The following TMSB15B variants were observed in gnomAD, a reference collection of about 807,000 sequenced individuals.
The protein encoded by TMSB15B is thymosin beta-15B.
chrX:103,931,861 G>C (rs1184758349), intron 1 of TMSB15B: 3 of 111,627 alleles, frequency 2.7e-5, no homozygotes, highest in Non-Finnish European at 1.9e-5. Flanking sequence ...TCCAGGGAGG[G>C]GAGAGGGGTG....
intron 1 of TMSB15B, among the ~76,000 whole-genome samples, chrX:103,938,170 C>A (rs1365624452): frequency 9.0e-6 from 1 of 111,565 alleles, no homozygotes; most frequent in Non-Finnish European, 1.9e-5. Context: ...CTGTAGATGT[C>A]TATTAGGTCC....
intron 1 of TMSB15B, chrX:103,928,124 A>G (rs1489188881): frequency 6.2e-6 from 7 of 1,130,698 alleles, no homozygotes; most frequent in Non-Finnish European, 6.0e-6. Context: ...CTCTCCCAGG[A>G]AGGAGCTTCA....
At chrX:103,928,214 A>G in intron 1 of TMSB15B, 3 of 1,196,472 alleles carry the variant, frequency 2.5e-6, no homozygotes, top group Non-Finnish European at 3.4e-6. Context: ...TTCCAACTCT[A>G]TGTCTACTTT....
At chrX:103,924,856 C>T (rs1556318538) in intron 1 of TMSB15B, among the ~76,000 whole-genome samples, 1 of 111,084 alleles carries the variant, frequency 9.0e-6, no homozygotes, top group Non-Finnish European at 1.9e-5. Context: ...TTCTCAAGGC[C>T]AACTCTAGGT....
At position 103,949,828 on chromosome X, in the gene TMSB15B, G is replaced by A. The variant is rs566533343; in HGVS notation, c.-720-12193G>A. Among the ~76,000 whole-genome samples, 6 of 111,689 alleles carry A rather than the reference G, an allele frequency of 5.4e-5. No homozygotes were observed. In the South Asian group the frequency reaches 2.3e-3, roughly 42 times the overall value. On this transcript the variant is annotated intron_variant, in intron 1 of 3. Coordinates refer to the TMSB15B transcript ENST00000419165. ...TATTGGACTGGAAGAGATCACCAAG[G>A]GAGTATACATAGAAATGCAAAGGAC... is the stretch of plus-strand genomic sequence containing the variant.
intron 1 of TMSB15B, chrX:103,928,662 C>CA (rs1556319385): frequency 8.7e-7 from 1 of 1,152,544 alleles, no homozygotes; most frequent in African/African-American, 1.8e-5. Context: ...GCCTGGGGAG[C>CA]ACTCTATATT....
At chrX:103,921,866 A>C (rs1273907649) in intron 1 of TMSB15B, among the ~76,000 whole-genome samples, 1 of 111,925 alleles carries the variant, frequency 8.9e-6, no homozygotes, top group Non-Finnish European at 1.9e-5. Context: ...AGGGATGTTA[A>C]GTAACTTGTG....
At chrX:103,939,441 C>T (rs2075006897) in intron 1 of TMSB15B, among the ~76,000 whole-genome samples, 2 of 109,055 alleles carry the variant, frequency 1.8e-5, no homozygotes, top group South Asian at 8.0e-4. Flanking sequence ...TCCGCTTGAT[C>T]GATTTGACTA....
At chrX:103,935,384 G>T (rs1825455770) in intron 1 of TMSB15B, among the ~76,000 whole-genome samples, 1 of 111,771 alleles carries the variant, frequency 8.9e-6, no homozygotes, top group African/African-American at 3.3e-5. Context: ...TGTTTTAATT[G>T]CTTTTTGCAT....
At chrX:103,923,580 G>T (rs1161865457) in intron 1 of TMSB15B, among the ~76,000 whole-genome samples, 2 of 111,878 alleles carry the variant, frequency 1.8e-5, no homozygotes, top group African/African-American at 6.5e-5. Context: ...TTTGGTACCA[G>T]TACCATGCTG....
chrX:103,933,828 T>C (rs1221753971), intron 1 of TMSB15B, among the ~76,000 whole-genome samples: 3 of 107,302 alleles, frequency 2.8e-5, no homozygotes, highest in Non-Finnish European at 3.9e-5. Context: ...TTCTTTCTTT[T>C]TCTCTCTTTT....
intron 1 of TMSB15B, among the ~76,000 whole-genome samples, chrX:103,941,322 A>G (rs2075012230): frequency 8.9e-6 from 1 of 112,372 alleles, no homozygotes; most frequent in African/African-American, 3.2e-5. Flanking sequence ...GAGTGCAGAC[A>G]TCTCTTCAAT....
intron 1 of TMSB15B, among the ~76,000 whole-genome samples, chrX:103,955,944 G>A (rs2075050415): frequency 9.0e-6 from 1 of 111,538 alleles, no homozygotes; most frequent in African/African-American, 3.3e-5. Flanking sequence ...AACAGCAAAG[G>A]TCTCAGCAGA....
chrX:103,931,757 C>G (rs2074985483), intron 1 of TMSB15B: 1 of 112,062 alleles, frequency 8.9e-6, no homozygotes, highest in Non-Finnish European at 1.9e-5. Context: ...TGACTGATGG[C>G]TGGCAGCCTC....
intron 1 of TMSB15B, among the ~76,000 whole-genome samples, chrX:103,930,276 A>G (rs2074980922): frequency 9.0e-6 from 1 of 111,484 alleles, no homozygotes; most frequent in Non-Finnish European, 1.9e-5. Context: ...CCAGTCTACC[A>G]AAATCCTTCC....
Position 103,936,848 on chromosome X carries a change from T to C in TMSB15B, c.-721+17556T>C, listed in dbSNP as rs781951168. Among the ~76,000 whole-genome samples the C allele has an allele frequency of 4.4e-5, 5 of 112,504 alleles. No homozygotes were observed. In the South Asian group the frequency reaches 1.8e-3, roughly 42 times the overall value. On this transcript the variant is annotated intron_variant, in intron 1 of 3. Transcript: ENST00000419165. ...CAATTCCTTGTTTATTGAGTGTTTT[T>C]AGCATTAATGGGTGTTGAATTTTAT...
At chrX:103,926,845 A>T (rs1227239387) in intron 1 of TMSB15B, among the ~76,000 whole-genome samples, 1 of 108,933 alleles carries the variant, frequency 9.2e-6, no homozygotes, top group African/African-American at 3.4e-5. Flanking sequence ...GTCAGTGTAG[A>T]TGGAAGCCCT....
chrX:103,950,693 A>T (rs2075037037), intron 1 of TMSB15B, among the ~76,000 whole-genome samples: 1 of 110,152 alleles, frequency 9.1e-6, no homozygotes, highest in East Asian at 2.8e-4. Context: ...TTCCACAAAA[A>T]ATTGGCCTGT....
chrX:103,927,023 A>G (rs1328137668), intron 1 of TMSB15B, among the ~76,000 whole-genome samples: 1 of 110,569 alleles, frequency 9.0e-6, no homozygotes, highest in Non-Finnish European at 1.9e-5. Flanking sequence ...ATCTGCTCTG[A>G]GCATTCATTT....
Sources: allele counts gnomAD v4.1 joint callset (sites outside exome capture counted in the v4.1 genomes callset), GRCh38; gene constraint gnomAD v4.1.1; transcripts MANE v1.5; gene names NCBI Gene and HGNC (gene_info 2026-07-23, HGNC 2026-07-21).